Variants in RECK observed in about 807,000 individuals in gnomAD.
The protein encoded by RECK is reversion-inducing cysteine-rich protein with Kazal motifs.
Under a neutral mutation model 115.1 loss-of-function variants are expected in RECK, and 69 were observed. The ratio of observed to expected loss-of-function variants is 0.60; its 90% confidence interval spans 0.49 to 0.73. The LOEUF (loss-of-function observed/expected upper bound fraction) is 0.73. RECK is among the 30% of genes least tolerant of loss of function. RECK has a pLI of 0.00. For synonymous variants in RECK, 414 were observed against 419.7 expected, an observed-to-expected ratio of 0.99 and a Z score of 0.17; for missense variants, 1,047 against 1,203.7, an observed-to-expected ratio of 0.87 and a Z score of 1.93.
Position 36,105,167 on chromosome 9 carries a change from TAGA to T in RECK, c.1466_1468del (p.Glu489del), listed in dbSNP as rs1272058223. 25 of 1,614,126 alleles carry T rather than the reference TAGA, an allele frequency of 1.5e-5. No individual in the cohort carries two copies. Among genetic ancestry groups the T allele is most frequent in the Non-Finnish European group, 2.0e-5 (24 of 1,179,992 alleles). On this transcript the variant is annotated inframe_deletion, in exon 13 of 21. Transcript: ENST00000377966. ...GGGCCAAGTACTTTAGGTAACATTG[TAGA>T]AGAAGTGACTCATCCCTGTAACCCA...
intron 10 of RECK, among the ~76,000 whole-genome samples, chr9:36,093,651 GAAGGA>G (rs138032502): frequency 0.025 from 3,820 of 152,204 alleles, 171 homozygotes; most frequent in African/African-American, 0.086. Flanking sequence ...TAGTAACCCA[GAAGGA>G]AAGGAAAGAA....
At chr9:36,054,499 TA>T (rs56001338) in intron 2 of RECK, among the ~76,000 whole-genome samples, 2,005 of 127,166 alleles carry the variant, frequency 0.016, 31 homozygotes, top group African/African-American at 0.049. Context: ...GCCCTTAGTT[TA>T]AAAAAAAAAA....
At chr9:36,120,629 T>G in intron 18 of RECK, 34 bp from the exon 19 acceptor site, 10 of 1,503,690 alleles carry the variant, frequency 6.7e-6, no homozygotes, top group Non-Finnish European at 9.2e-6. Context: ...TGTTTCTAAT[T>G]CTGAACGCAC....
intron 13 of RECK, 32 bp downstream of exon 13, chr9:36,105,315 G>A (rs1823756916): frequency 6.2e-7 from 1 of 1,610,512 alleles, no homozygotes; most frequent in Non-Finnish European, 8.5e-7. Context: ...GAAGAGGATG[G>A]ATAGGTGCTG....
chr9:36,088,666 T>G (rs1823052530), intron 9 of RECK, among the ~76,000 whole-genome samples: 1 of 152,240 alleles, frequency 6.6e-6, no homozygotes, highest in South Asian at 2.1e-4. Context: ...GCAAAAAATT[T>G]TGCCTAGAAT....
intron 15 of RECK, among the ~76,000 whole-genome samples, chr9:36,111,282 A>G (rs940242869): frequency 2.0e-5 from 3 of 152,180 alleles, no homozygotes; most frequent in Non-Finnish European, 4.4e-5. Flanking sequence ...TCCCACTCCA[A>G]ATGTGACTCA....
intron 6 of RECK, among the ~76,000 whole-genome samples, chr9:36,079,038 G>A (rs1822576366): frequency 6.6e-6 from 1 of 152,054 alleles, no homozygotes; most frequent in African/African-American, 2.4e-5. Context: ...TAGGATTACA[G>A]GCATGCACCA....
intron 10 of RECK, among the ~76,000 whole-genome samples, chr9:36,093,558 GAAAA>G (rs1823239486): frequency 6.6e-6 from 1 of 152,024 alleles, no homozygotes; most frequent in African/African-American, 2.4e-5. Flanking sequence ...CACAGCAGAA[GAAAA>G]AGGTCAGTGA....
At chr9:36,060,084 T>G (rs1178118752) in intron 3 of RECK, 35 bp from the exon 4 acceptor site, 3 of 1,600,966 alleles carry the variant, frequency 1.9e-6, no homozygotes, top group South Asian at 1.1e-5. Flanking sequence ...GAACTGGTTA[T>G]CTACATAAAA....
chr9:36,122,224 G>C (rs1824486638), intron 20 of RECK, among the ~76,000 whole-genome samples: 1 of 152,206 alleles, frequency 6.6e-6, no homozygotes, highest in South Asian at 2.1e-4. Flanking sequence ...AAGGCAGTGA[G>C]GGCTCAAGGG....
chr9:36,100,279 C>G, intron 10 of RECK, 52 bp from the exon 11 acceptor site: 1 of 1,480,418 alleles, frequency 6.8e-7, no homozygotes, highest in Non-Finnish European at 9.3e-7. Context: ...CTTGTTGCTT[C>G]TCTCTAGAAA....
At chr9:36,053,963 G>C (rs1821413144) in intron 2 of RECK, among the ~76,000 whole-genome samples, 2 of 152,156 alleles carry the variant, frequency 1.3e-5, no homozygotes, top group African/African-American at 4.8e-5. Context: ...CACACTAAGT[G>C]ACAGAATTAG....
intron 10 of RECK, among the ~76,000 whole-genome samples, chr9:36,092,124 T>C (rs915704015): frequency 6.6e-6 from 1 of 152,050 alleles, no homozygotes; most frequent in Non-Finnish European, 1.5e-5. Flanking sequence ...AGTGAGAAAA[T>C]TGAGATATCT....
In RECK at chr9:36,116,990, T is replaced by C. The variant is rs1824292455; in HGVS notation, c.2066T>C (p.Ile689Thr). 6.2e-7 allele frequency: 1 copy of C among 1,609,394 alleles called. No homozygotes were observed. The highest frequency in any genetic ancestry group is 1.7e-5 in the Admixed American group (1 of 59,720). ...GCTGCATTCGTCTTTTTCAGGTGCA[T>C]ACCCAAACCACAGGTCTGCCTGACG... ...PNPCQKNQRC[I>T]PKPQVCLTTF... The change falls in exon 17 of 21, where the codon ATA (isoleucine) becomes ACA (threonine). Residue 689 changes from isoleucine to threonine, a missense_variant. Coordinates refer to ENST00000377966, the MANE Select transcript of RECK (RefSeq NM_021111.3).
chr9:36,118,161 G>C (rs780930420), intron 17 of RECK, among the ~76,000 whole-genome samples: 1 of 152,138 alleles, frequency 6.6e-6, no homozygotes, highest in Non-Finnish European at 1.5e-5. Flanking sequence ...ATTCCATCAT[G>C]ATGTCTCCCT....
chr9:36,111,730 C>G (rs999814302), intron 15 of RECK, among the ~76,000 whole-genome samples: 6 of 152,034 alleles, frequency 3.9e-5, no homozygotes, highest in African/African-American at 1.4e-4. Context: ...CTTTAACATT[C>G]AAGAAATCCC....
Position 36,122,899 on chromosome 9 carries a change from G to A in RECK, c.2770G>A (p.Val924Ile). The A allele has an allele frequency of 1.9e-6, 3 of 1,614,150 alleles. No homozygotes were observed. Among genetic ancestry groups the A allele is most frequent in the Non-Finnish European group, 2.5e-6 (3 of 1,180,036 alleles). ...NSDSPTLASHVPLSALIISQV... is the reference protein window; with the variant it reads ...NSDSPTLASHIPLSALIISQV... The stretch of plus-strand genomic sequence containing the variant: ...TGACAGCCCGACTTTGGCGTCCCAT[G>A]TCCCTCTCTCTGCCCTCATCATTTC... Residue 924 changes from valine to isoleucine, a missense_variant, in exon 21 of 21, where the codon GTC becomes ATC. Coordinates refer to ENST00000377966, the MANE Select transcript of RECK (RefSeq NM_021111.3).
chr9:36,038,055 G>A (rs534425540), intron 1 of RECK, among the ~76,000 whole-genome samples: 2 of 149,564 alleles, frequency 1.3e-5, no homozygotes, highest in Non-Finnish European at 3.0e-5. Flanking sequence ...GCTCTCCCCT[G>A]TAATCCCAGC....
At chr9:36,056,510 G>A (rs1821532459) in intron 2 of RECK, among the ~76,000 whole-genome samples, 1 of 152,054 alleles carries the variant, frequency 6.6e-6, no homozygotes, top group South Asian at 2.1e-4. Flanking sequence ...TCCCCCTGGT[G>A]TCGTTTAACA....
Sources: allele counts gnomAD v4.1 joint callset (sites outside exome capture counted in the v4.1 genomes callset), GRCh38; gene constraint gnomAD v4.1.1; transcripts MANE v1.5; gene names NCBI Gene and HGNC (gene_info 2026-07-23, HGNC 2026-07-21).